The following CRYZL1 variants were observed in gnomAD, a reference collection of about 807,000 sequenced individuals.
CRYZL1 encodes the protein ferry endosomal RAB5 effector complex subunit 4.
Under a neutral mutation model 50.6 loss-of-function variants are expected in CRYZL1, and 34 were observed. The observed-to-expected ratio is 0.67, with a 90% CI of 0.51 to 0.89. CRYZL1 has a LOEUF of 0.89. CRYZL1 is among the 40% of genes least tolerant of loss of function. The pLI, the probability that CRYZL1 is intolerant of heterozygous loss-of-function variation, is 0.00. For synonymous variants in CRYZL1, 125 were observed against 134.3 expected (o/e 0.93, Z 0.48); for missense variants, 354 against 402.3 (o/e 0.88, Z 1.03).
chr21:33,636,169 A>T (rs2087204554), intron 1 of CRYZL1, among the ~76,000 whole-genome samples: 1 of 152,120 alleles, frequency 6.6e-6, no homozygotes, highest in Non-Finnish European at 1.5e-5. Flanking sequence ...AGGCTGGGGT[A>T]GGAGGACTGC....
chr21:33,591,097 G>T (rs2086638956), intron 12 of CRYZL1, 65 bp downstream of exon 12: 1 of 1,185,496 alleles, frequency 8.4e-7, no homozygotes, highest in Non-Finnish European at 1.3e-6. Context: ...AAGTGGGACT[G>T]CCTGCCTTAG....
Position 33,613,577 on chromosome 21 carries a change from CAGGGTCTTCAGAGTCCAG to C in CRYZL1, c.274_291del (p.Leu92_Pro97del). 6.2e-7 allele frequency: 1 copy of C among 1,613,398 alleles called. No homozygotes were observed. Among genetic ancestry groups the C allele is most frequent in the South Asian group, 1.1e-5 (1 of 91,054 alleles). ...TGTACTCTAACAACTTCACAAAGTC[CAGGGTCTTCAGAGTCCAG>C]GGGCAAAATTCCTAAAAATCAAAAC... On this transcript the variant is annotated inframe_deletion, in exon 6 of 13. Transcript: ENST00000381554.
chr21:33,591,153 T>A lies in CRYZL1; in HGVS notation c.950+9A>T, dbSNP rs1436233149. The A allele has an allele frequency of 1.3e-6, 2 of 1,595,632 alleles. No individual in the cohort carries two copies. The highest frequency in any genetic ancestry group is 1.7e-6 in the Non-Finnish European group (2 of 1,163,122). ...AAACAAGAACAATGATTTGGTTACT[T>A]TAGCGTACCTGAAAACACCAGTTGA... On this transcript the variant is annotated intron_variant, in intron 12 of 12. Transcript: ENST00000381554.
chr21:33,592,209 C>T (rs1238901923), intron 11 of CRYZL1, among the ~76,000 whole-genome samples: 1 of 147,022 alleles, frequency 6.8e-6, no homozygotes, highest in Non-Finnish European at 1.5e-5. Flanking sequence ...GTGGCATGAT[C>T]ATGGCTCACT....
chr21:33,618,308 A>AG (rs386394631), intron 4 of CRYZL1, among the ~76,000 whole-genome samples: 2 of 151,370 alleles, frequency 1.3e-5, no homozygotes, highest in African/African-American at 4.8e-5. Flanking sequence ...AAAAAAAAAA[A>AG]GAAATGATAT....
At chr21:33,602,634 G>C (rs1289067081) in intron 7 of CRYZL1, among the ~76,000 whole-genome samples, 1 of 152,138 alleles carries the variant, frequency 6.6e-6, no homozygotes, top group Non-Finnish European at 1.5e-5. Flanking sequence ...CAGACACATG[G>C]CCTTGCAAAG....
At chr21:33,640,609 T>C (rs1035051899) in intron 1 of CRYZL1, among the ~76,000 whole-genome samples, 1 of 152,162 alleles carries the variant, frequency 6.6e-6, no homozygotes, top group Non-Finnish European at 1.5e-5. Flanking sequence ...TTTCTGTAAA[T>C]TGGGCACATC....
intron 6 of CRYZL1, among the ~76,000 whole-genome samples, chr21:33,608,033 G>A (rs2086831325): frequency 6.6e-6 from 1 of 152,062 alleles, no homozygotes; most frequent in Non-Finnish European, 1.5e-5. Context: ...AGTTAACATA[G>A]CCATCATCTC....
intron 1 of CRYZL1, among the ~76,000 whole-genome samples, chr21:33,635,783 C>A (rs1015613126): frequency 6.6e-6 from 1 of 151,938 alleles, no homozygotes; most frequent in African/African-American, 2.4e-5. Flanking sequence ...TAGATACAGA[C>A]CATCCTGGCC....
chr21:33,592,611 C>T (rs1475870286), intron 11 of CRYZL1, among the ~76,000 whole-genome samples: 1 of 152,170 alleles, frequency 6.6e-6, no homozygotes, highest in Non-Finnish European at 1.5e-5. Context: ...TATGTAATTG[C>T]CCGTACTTCT....
chr21:33,590,024 A>C (rs1601321789), intron 12 of CRYZL1, 103 bp from the exon 13 acceptor site: 1 of 651,536 alleles, frequency 1.5e-6, no homozygotes, highest in Non-Finnish European at 2.6e-6. Context: ...TTAGTGTATT[A>C]ATTAATTTTT....
At chr21:33,603,636 G>C in intron 6 of CRYZL1, 99 bp from the exon 7 acceptor site, 1 of 1,366,932 alleles carries the variant, frequency 7.3e-7, no homozygotes, top group Non-Finnish European at 1.0e-6. Context: ...TATGGCCCTG[G>C]TCCAAGCCCC....
At chr21:33,602,715 T>C (rs2086769636) in intron 7 of CRYZL1, among the ~76,000 whole-genome samples, 1 of 152,178 alleles carries the variant, frequency 6.6e-6, no homozygotes, top group African/African-American at 2.4e-5. Flanking sequence ...CAGCTATCTC[T>C]CTTTGAAGAT....
intron 1 of CRYZL1, among the ~76,000 whole-genome samples, chr21:33,634,290 A>G (rs941214330): frequency 6.6e-6 from 1 of 151,684 alleles, no homozygotes; most frequent in African/African-American, 2.4e-5. Context: ...CTCTCTCCCT[A>G]CTCTACCTTA....
intron 6 of CRYZL1, among the ~76,000 whole-genome samples, chr21:33,609,885 T>C (rs2086852278): frequency 6.6e-6 from 1 of 151,670 alleles, no homozygotes; most frequent in South Asian, 2.1e-4. Flanking sequence ...TTGTATTTTT[T>C]AGTAGAGAGG....
chr21:33,605,527 A>ATTTTTTTTTTTTTTTTTTT (rs1555904645), intron 6 of CRYZL1, among the ~76,000 whole-genome samples: 4 of 14,840 alleles, frequency 2.7e-4, no homozygotes, highest in East Asian at 4.2e-3. Flanking sequence ...CAGTACAAGA[A>ATTTTTTTTTTTTTTTTTTT]TTCTTTTTTT....
intron 10 of CRYZL1, among the ~76,000 whole-genome samples, 160 bp downstream of exon 10, chr21:33,597,120 G>A (rs1364503805): frequency 8.6e-5 from 13 of 151,762 alleles, no homozygotes; most frequent in Non-Finnish European, 1.3e-4. Flanking sequence ...TCCGCCCGCC[G>A]CGGCCTCCCA....
intron 9 of CRYZL1, among the ~76,000 whole-genome samples, chr21:33,598,117 G>C (rs889720771): frequency 4.1e-4 from 63 of 152,076 alleles, no homozygotes; most frequent in African/African-American, 1.3e-3. Flanking sequence ...ACCAGGCAAA[G>C]TAATGTAACA....
intron 3 of CRYZL1, among the ~76,000 whole-genome samples, chr21:33,623,397 T>C (rs751308445): frequency 9.8e-5 from 15 of 152,350 alleles, no homozygotes; most frequent in Middle Eastern, 3.4e-3. Flanking sequence ...GCTTAACAGA[T>C]GTGCAATATT....
Sources: gnomAD v4.1 joint callset for allele counts (sites outside exome capture counted in the v4.1 genomes callset) on GRCh38, gnomAD v4.1.1 for gene constraint, MANE v1.5 for transcripts, NCBI Gene and HGNC (gene_info 2026-07-23, HGNC 2026-07-21) for gene names.